NPAS3: variants seen among roughly 807,000 people sequenced by gnomAD.
The protein encoded by NPAS3 is neuronal PAS domain-containing protein 3.
A neutral mutation model predicts 73.1 loss-of-function variants in NPAS3; 14 were observed. The ratio of observed to expected loss-of-function variants is 0.19; its 90% CI spans 0.13 to 0.30. The LOEUF (loss-of-function observed/expected upper bound fraction) is 0.30. Ranked by LOEUF, NPAS3 falls within the 10% of genes least tolerant of loss-of-function variation. The pLI, the probability that NPAS3 is intolerant of heterozygous loss-of-function variation, is 1.00. For synonymous variants in NPAS3, 620 were observed against 541.5 expected (o/e 1.14, Z -2.01); for missense variants, 1,096 against 1,250.0 (o/e 0.88, Z 1.86).
intron 6 of NPAS3, among the ~76,000 whole-genome samples, chr14:33,688,451 A>C (rs1043613776): frequency 1.3e-5 from 2 of 152,102 alleles, no homozygotes; most frequent in African/African-American, 4.8e-5. Context: ...ACTGTACATG[A>C]TCTTGTTTCT....
chr14:33,053,190 T>C (rs2040771350), intron 1 of NPAS3, among the ~76,000 whole-genome samples: 1 of 152,164 alleles, frequency 6.6e-6, no homozygotes, highest in Admixed American at 6.5e-5. Context: ...AATCCCCTGT[T>C]ATTTGACCAG....
At chr14:33,663,066 A>G (rs1280311564) in intron 5 of NPAS3, among the ~76,000 whole-genome samples, 1 of 150,586 alleles carries the variant, frequency 6.6e-6, no homozygotes, top group Non-Finnish European at 1.5e-5. Flanking sequence ...AATACCCTTT[A>G]TTTTTTTTCT....
At chr14:33,741,533 A>G (rs1264746400) in intron 7 of NPAS3, among the ~76,000 whole-genome samples, 1 of 152,132 alleles carries the variant, frequency 6.6e-6, no homozygotes, top group Non-Finnish European at 1.5e-5. Context: ...GTCTCTGCTG[A>G]CCTCTGCACA....
rs138597031 is a variant in NPAS3 at position 33,088,057 on chromosome 14, C to T, written c.140+32063C>T. ...CATTTAACAATTGCCCACCACGGTG[C>T]GGTTCCAAGATCGCGGAATAGGAAG... On this transcript the variant is annotated intron_variant, in intron 2 of 11. Coordinates refer to ENST00000356141, the Ensembl canonical transcript of NPAS3. Among the ~76,000 whole-genome samples, 113 of 152,234 alleles carry T rather than the reference C, an allele frequency of 7.4e-4. No homozygotes were observed. In the Middle Eastern group the frequency reaches 0.01, roughly 14 times the overall value.
intron 6 of NPAS3, among the ~76,000 whole-genome samples, chr14:33,697,045 G>A (rs932017263): frequency 2.0e-5 from 3 of 152,158 alleles, no homozygotes; most frequent in African/African-American, 7.2e-5. Flanking sequence ...AGAAAGCCTG[G>A]TCTTTCTTCT....
At chr14:33,157,739 A>T (rs2044700461) in intron 2 of NPAS3, among the ~76,000 whole-genome samples, 1 of 152,210 alleles carries the variant, frequency 6.6e-6, no homozygotes, top group East Asian at 1.9e-4. Context: ...AATTGTGTTT[A>T]TTAACAAGTC....
intron 3 of NPAS3, among the ~76,000 whole-genome samples, chr14:33,256,142 C>T (rs796789349): frequency 6.6e-6 from 1 of 152,060 alleles, no homozygotes; most frequent in African/African-American, 2.4e-5. Context: ...TTAGGTAAAG[C>T]CTGACCACCA....
At chr14:33,694,405 G>C (rs1393797611) in intron 6 of NPAS3, among the ~76,000 whole-genome samples, 1 of 152,094 alleles carries the variant, frequency 6.6e-6, no homozygotes, top group Non-Finnish European at 1.5e-5. Flanking sequence ...CCCCCAAAAA[G>C]GTTTAAGTTT....
chr14:33,430,464 G>T (rs891353427), intron 4 of NPAS3, among the ~76,000 whole-genome samples: 5 of 152,082 alleles, frequency 3.3e-5, no homozygotes, highest in Admixed American at 3.3e-4. Flanking sequence ...TTAGAGCATG[G>T]GTGGCCTAGC....
At chr14:32,938,765 C>T (rs1330945789), upstream of NPAS3, among the ~76,000 whole-genome samples, 1 of 149,044 alleles carries the variant, frequency 6.7e-6, no homozygotes, top group African/African-American at 2.4e-5. Flanking sequence ...GGTGGCGGCG[C>T]GGGGGTGAGA....
At chr14:33,093,171 C>T (rs547889047) in intron 2 of NPAS3, among the ~76,000 whole-genome samples, 3 of 152,116 alleles carry the variant, frequency 2.0e-5, no homozygotes, top group African/African-American at 4.8e-5. Context: ...CTATCATTAG[C>T]GTGAACAGGC....
intron 4 of NPAS3, among the ~76,000 whole-genome samples, chr14:33,431,785 C>G (rs1355663942): frequency 6.6e-6 from 1 of 151,864 alleles, no homozygotes; most frequent in Non-Finnish European, 1.5e-5. Context: ...TGAGAACTCC[C>G]AAATTAAGAA....
intron 4 of NPAS3, among the ~76,000 whole-genome samples, chr14:33,442,190 G>T (rs934607649): frequency 6.6e-6 from 1 of 152,120 alleles, no homozygotes; most frequent in African/African-American, 2.4e-5. Flanking sequence ...TATTAACATG[G>T]CTTAAAAATG....
chr14:33,498,931 AGAGAGTGT>A (rs778290827), intron 4 of NPAS3, among the ~76,000 whole-genome samples: 11,108 of 117,026 alleles, frequency 0.095, 332 homozygotes, highest in African/African-American at 0.13. Context: ...AGAGACAGAG[AGAGAGTGT>A]GTGTGTGTGT....
intron 4 of NPAS3, among the ~76,000 whole-genome samples, chr14:33,557,755 G>T (rs989670098): frequency 1.5e-4 from 23 of 152,206 alleles, no homozygotes; most frequent in African/African-American, 5.3e-4. Flanking sequence ...AGATCACGAG[G>T]TCAGGAGATC....
chr14:33,459,939 G>A (rs1268717833), intron 4 of NPAS3, among the ~76,000 whole-genome samples: 2 of 152,136 alleles, frequency 1.3e-5, no homozygotes, highest in East Asian at 3.9e-4. Context: ...TCTGCCTAGT[G>A]CCCAGCATGG....
chr14:33,068,687 T>C (rs1299682777), intron 2 of NPAS3, among the ~76,000 whole-genome samples: 1 of 152,162 alleles, frequency 6.6e-6, no homozygotes, highest in African/African-American at 2.4e-5. Context: ...GGGGTAGAAG[T>C]GAGTCATTGT....
rs539481862 is a variant in NPAS3, at chr14:33,089,229, G to A, written c.140+33235G>A. On this transcript the variant is annotated intron_variant, in intron 2 of 11. Transcript: ENST00000356141. The stretch of plus-strand genomic sequence containing the variant: ...CTAAAGGAGGAAATTAGAACCCATC[G>A]CAAAGAAGCTAAAAGCTTTGAGAAA... Among the ~76,000 whole-genome samples the A allele has an allele frequency of 1.0e-3, 152 of 152,252 alleles. 1 individual carries two copies. The highest frequency in any genetic ancestry group is 8.5e-3 in the South Asian group (41 of 4,824).
chr14:33,371,188 T>C (rs1461586113), intron 4 of NPAS3, among the ~76,000 whole-genome samples: 1 of 152,136 alleles, frequency 6.6e-6, no homozygotes, highest in African/African-American at 2.4e-5. Flanking sequence ...AGTAATAATG[T>C]CAAGGTAGCT....
Sources: allele counts gnomAD v4.1 joint callset (sites outside exome capture counted in the v4.1 genomes callset), GRCh38; gene constraint gnomAD v4.1.1; transcripts MANE v1.5; gene names NCBI Gene and HGNC (gene_info 2026-07-23, HGNC 2026-07-21).